DLG2: variants seen among roughly 807,000 people sequenced by gnomAD.
The protein encoded by DLG2 is disks large homolog 2.
Under a neutral mutation model 132.5 loss-of-function variants are expected in DLG2, and 45 were observed. That is an observed-to-expected ratio of 0.34 (90% CI 0.27 to 0.44). The LOEUF (loss-of-function observed/expected upper bound fraction) is 0.44, where lower values mean the gene tolerates loss of function less well. Among genes scored for constraint, DLG2 ranks in the 20% least tolerant of loss-of-function variants. The pLI, the probability that DLG2 is intolerant of heterozygous loss-of-function variation, is 1.00. For synonymous variants in DLG2, 424 were observed against 419.6 expected (o/e 1.01, Z -0.13); for missense variants, 1,045 against 1,196.9 (o/e 0.87, Z 1.87).
chr11:85,498,953 A>T (rs2093730896), intron 3 of DLG2, among the ~76,000 whole-genome samples: 1 of 152,206 alleles, frequency 6.6e-6, no homozygotes, highest in South Asian at 2.1e-4. Context: ...GTGTAGAGGG[A>T]AATTTATAGC....
At chr11:85,060,718 AT>A (rs913466182) in intron 6 of DLG2, among the ~76,000 whole-genome samples, 3 of 151,774 alleles carry the variant, frequency 2.0e-5, no homozygotes, top group Non-Finnish European at 4.4e-5. Flanking sequence ...GGTGGGTCAT[AT>A]GAAAATTAAA....
At chr11:84,713,695 T>C (rs1476154022) in intron 6 of DLG2, among the ~76,000 whole-genome samples, 1 of 152,096 alleles carries the variant, frequency 6.6e-6, no homozygotes, top group Non-Finnish European at 1.5e-5. Flanking sequence ...CAATATAAAT[T>C]TATATAACTA....
Position 83,699,813 on chromosome 11 carries a change from TTATCTATC to T in DLG2, c.1826-66496_1826-66489del, listed in dbSNP as rs137988370. ...GGTATATAAGAATGGGGCTAAAAAT[TTATCTATC>T]TATCTATCTATCTATCTTTCCATGT... On this transcript the variant is annotated intron_variant, in intron 18 of 27. Transcript: ENST00000376104. 9.9e-4 allele frequency among the ~76,000 whole-genome samples: 149 copies of T among 150,060 alleles called. 1 individual carries two copies. In the East Asian group the frequency reaches 0.013, roughly 13 times the overall value.
intron 3 of DLG2, among the ~76,000 whole-genome samples, chr11:85,360,346 G>T (rs1432061353): frequency 6.6e-6 from 1 of 152,158 alleles, no homozygotes; most frequent in Non-Finnish European, 1.5e-5. Flanking sequence ...CCTGTAGGAG[G>T]AGAATAATAT....
chr11:85,150,389 T>C, intron 5 of DLG2, among the ~76,000 whole-genome samples: 1 of 152,218 alleles, frequency 6.6e-6, no homozygotes, highest in Middle Eastern at 3.4e-3. Context: ...CTGACCACTC[T>C]TAAGTGTAGA....
At chr11:84,711,379 AGATCGAT>A (rs2060420613) in intron 6 of DLG2, among the ~76,000 whole-genome samples, 1 of 63,044 alleles carries the variant, frequency 1.6e-5, no homozygotes, top group East Asian at 3.8e-4. Flanking sequence ...AGAGAGAGAG[AGATCGAT>A]CGATCTAGCT....
At chr11:84,213,748 G>C (rs2096789605) in intron 8 of DLG2, among the ~76,000 whole-genome samples, 1 of 151,142 alleles carries the variant, frequency 6.6e-6, no homozygotes, top group Non-Finnish European at 1.5e-5. Flanking sequence ...GAACCCGAGA[G>C]GCGGAGCTTG....
chr11:84,457,715 T>TTC, intron 7 of DLG2, among the ~76,000 whole-genome samples: 1 of 151,082 alleles, frequency 6.6e-6, no homozygotes, highest in African/African-American at 2.4e-5. Context: ...AGTTTTATTC[T>TTC]TCTCTCTCAC....
intron 7 of DLG2, among the ~76,000 whole-genome samples, chr11:84,354,686 C>A (rs1450714863): frequency 2.0e-5 from 3 of 152,160 alleles, no homozygotes; most frequent in Non-Finnish European, 4.4e-5. Flanking sequence ...CACTTTACAT[C>A]ACACCAGCCA....
intron 21 of DLG2, among the ~76,000 whole-genome samples, chr11:83,520,722 G>C (rs897514810): frequency 6.6e-6 from 1 of 150,424 alleles, no homozygotes; most frequent in Non-Finnish European, 1.5e-5. Context: ...TAGATAGATA[G>C]ATAGATAGAT....
chr11:84,856,578 C>A (rs1037448021), intron 6 of DLG2, among the ~76,000 whole-genome samples: 1 of 152,108 alleles, frequency 6.6e-6, no homozygotes, highest in African/African-American at 2.4e-5. Context: ...ACTATTTATA[C>A]TAGTCTAAGC....
At chr11:85,377,803 A>ATATATATATATATATATATGTGTG (rs35141583) in intron 3 of DLG2, among the ~76,000 whole-genome samples, 9 of 131,292 alleles carry the variant, frequency 6.9e-5, no homozygotes, top group Non-Finnish European at 1.1e-4. Context: ...ATATATATAT[A>ATATATATATATATATATATGTGTG]TGTGTGTGTG....
intron 6 of DLG2, among the ~76,000 whole-genome samples, chr11:85,069,972 C>T (rs2065560782): frequency 6.6e-6 from 1 of 151,904 alleles, no homozygotes; most frequent in South Asian, 2.1e-4. Context: ...ACTATGCAGC[C>T]ATAAAAAATG....
chr11:85,116,270 C>A (rs1388366120), intron 5 of DLG2, among the ~76,000 whole-genome samples: 2 of 151,744 alleles, frequency 1.3e-5, no homozygotes, highest in Non-Finnish European at 2.9e-5. Context: ...ATTACTAGAA[C>A]ACTTTCTGAC....
chr11:85,571,635 A>C (rs1201378773), intron 3 of DLG2, among the ~76,000 whole-genome samples: 1 of 152,200 alleles, frequency 6.6e-6, no homozygotes, highest in Non-Finnish European at 1.5e-5. Context: ...ATACACATGC[A>C]TTTGGTCTCC....
chr11:85,050,037 T>C (rs1169668027), intron 6 of DLG2, among the ~76,000 whole-genome samples: 2 of 151,682 alleles, frequency 1.3e-5, no homozygotes, highest in African/African-American at 4.8e-5. Context: ...ATGTCCAGTC[T>C]TTCCAATTGT....
chr11:83,469,871 A>G lies in DLG2; in HGVS notation c.2447-498T>C, dbSNP rs185341464. Among the ~76,000 whole-genome samples, 598 of 152,278 alleles carry G rather than the reference A, an allele frequency of 3.9e-3. 1 individual carries two copies. Among genetic ancestry groups the G allele is most frequent in the South Asian group, 8.3e-3 (40 of 4,828 alleles). On this transcript the variant is annotated intron_variant, in intron 24 of 27. Transcript: ENST00000376104. ...TATCACCTGTCAGAACAAAAACTTA[A>G]CATTCTATAAAGGACCATAAAATTC...
intron 7 of DLG2, among the ~76,000 whole-genome samples, chr11:84,299,807 T>A (rs1249038849): frequency 6.6e-6 from 1 of 152,198 alleles, no homozygotes; most frequent in Non-Finnish European, 1.5e-5. Flanking sequence ...ATCATTCCAT[T>A]CAGTCCTTCG....
At chr11:84,179,852 C>T (rs1393071616) in intron 8 of DLG2, among the ~76,000 whole-genome samples, 1 of 152,130 alleles carries the variant, frequency 6.6e-6, no homozygotes, top group African/African-American at 2.4e-5. Flanking sequence ...CAGAGAAGCA[C>T]TGGTGAAATT....
Sources: allele counts gnomAD v4.1 joint callset (sites outside exome capture counted in the v4.1 genomes callset), GRCh38; gene constraint gnomAD v4.1.1; transcripts MANE v1.5; gene names NCBI Gene and HGNC (gene_info 2026-07-23, HGNC 2026-07-21).